RASEF: variants seen among roughly 807,000 people sequenced by gnomAD.
RASEF encodes the protein ras and EF-hand domain-containing protein.
A neutral mutation model predicts 90.1 loss-of-function variants in RASEF; 68 were observed. The ratio of observed to expected loss-of-function variants is 0.75; its 90% CI spans 0.62 to 0.92. The LOEUF is 0.92. RASEF is among the 40% of genes least tolerant of loss of function. The pLI, the probability that RASEF is intolerant of heterozygous loss-of-function variation, is 0.00. For synonymous variants in RASEF, 331 were observed against 345.2 expected (o/e 0.96, Z 0.46); for missense variants, 949 against 937.2 (o/e 1.01, Z -0.16).
chr9:83,117,406 T>TAG, the RASEF span, among the ~76,000 whole-genome samples: 2 of 152,170 alleles, frequency 1.3e-5, no homozygotes, highest in African/African-American at 4.8e-5. Context: ...TGACTCAAAT[T>TAG]AGATGAATGA....
chr9:83,093,193 G>T, the RASEF span, among the ~76,000 whole-genome samples: 1 of 152,310 alleles, frequency 6.6e-6, no homozygotes, highest in Non-Finnish European at 1.5e-5. Flanking sequence ...AGACATAAAG[G>T]TTCTCCACCT....
At chr9:83,028,391 G>T (rs1205934327) in intron 1 of RASEF, among the ~76,000 whole-genome samples, 1 of 152,184 alleles carries the variant, frequency 6.6e-6, no homozygotes, top group Non-Finnish European at 1.5e-5. Flanking sequence ...GAACCAAGAA[G>T]TCTGAGAGCA....
chr9:83,075,339 T>C, the RASEF span, among the ~76,000 whole-genome samples: 1 of 152,186 alleles, frequency 6.6e-6, no homozygotes. Context: ...AATTGCTCAG[T>C]TGTATGTGTG....
At chr9:83,056,306 G>C (rs1370436935) in intron 1 of RASEF, among the ~76,000 whole-genome samples, 5 of 152,200 alleles carry the variant, frequency 3.3e-5, no homozygotes, top group Non-Finnish European at 7.4e-5. Context: ...CTGGGAGACA[G>C]ACAAGTGTTT....
At chr9:83,185,333 T>TTTTCTTTC in the RASEF span, among the ~76,000 whole-genome samples, 1 of 148,442 alleles carries the variant, frequency 6.7e-6, no homozygotes, top group African/African-American at 2.5e-5. Flanking sequence ...TGTGCTTTCT[T>TTTTCTTTC]TTTCTTTCTT....
At chr9:83,218,868 C>T in the RASEF span, among the ~76,000 whole-genome samples, 1 of 152,138 alleles carries the variant, frequency 6.6e-6, no homozygotes, top group Non-Finnish European at 1.5e-5. Flanking sequence ...TGGACATTTA[C>T]AGAAGCCACA....
chr9:83,213,095 A>T, the RASEF span, among the ~76,000 whole-genome samples: 3,185 of 112,178 alleles, frequency 0.028, 95 homozygotes, highest in African/African-American at 0.082. Flanking sequence ...ACACGTTTTA[A>T]AAAAAAAAAA....
intron 7 of RASEF, among the ~76,000 whole-genome samples, chr9:83,006,187 C>A (rs1829127229): frequency 6.6e-6 from 1 of 152,204 alleles, no homozygotes. Flanking sequence ...CAGAACACTT[C>A]CTTGACCTTC....
chr9:83,058,519 C>T (rs532989857), intron 1 of RASEF, among the ~76,000 whole-genome samples: 1 of 152,218 alleles, frequency 6.6e-6, no homozygotes. Flanking sequence ...TCTCCTCTCC[C>T]TTTTCTATCT....
chr9:83,093,076 T>A, the RASEF span, among the ~76,000 whole-genome samples: 1 of 151,904 alleles, frequency 6.6e-6, no homozygotes, highest in South Asian at 2.1e-4. Flanking sequence ...AGAGTGTCGA[T>A]TGGTGCGCTC....
intron 1 of RASEF, chr9:83,048,862 C>T (rs1469310072): frequency 2.9e-6 from 2 of 697,328 alleles, no homozygotes; most frequent in Non-Finnish European, 3.5e-6. Flanking sequence ...TGTGCAGTGG[C>T]TCACGCCTGT....
chr9:83,000,716 G>T, intron 10 of RASEF, 146 bp from the exon 11 acceptor site: 1 of 912,510 alleles, frequency 1.1e-6, no homozygotes, highest in Non-Finnish European at 1.6e-6. Context: ...GGAATAGAGT[G>T]ACACTGAATG....
the RASEF span, among the ~76,000 whole-genome samples, chr9:83,189,646 A>T: frequency 6.6e-6 from 1 of 152,268 alleles, no homozygotes; most frequent in Admixed American, 6.5e-5. Context: ...TTCATGTTTT[A>T]TTGTTGGCCA....
intron 14 of RASEF, among the ~76,000 whole-genome samples, chr9:82,996,105 T>A (rs1285413190): frequency 1.3e-5 from 2 of 152,164 alleles, no homozygotes; most frequent in Admixed American, 6.5e-5. Context: ...TACTGCCAAT[T>A]GCAATCAGTC....
chr9:82,985,558 A>G (rs557583650), intron 16 of RASEF, among the ~76,000 whole-genome samples: 1 of 152,302 alleles, frequency 6.6e-6, no homozygotes, highest in East Asian at 1.9e-4. Context: ...TTTCAGTAAG[A>G]CACCAATGTG....
intron 1 of RASEF, among the ~76,000 whole-genome samples, chr9:83,037,151 G>T (rs138773033): frequency 8.5e-4 from 129 of 152,272 alleles, no homozygotes; most frequent in African/African-American, 3.0e-3. Flanking sequence ...CTTAGGTCAA[G>T]AGACTTGTTC....
At chr9:83,064,107 A>T (rs1176124792), upstream of RASEF, among the ~76,000 whole-genome samples, 1 of 152,210 alleles carries the variant, frequency 6.6e-6, no homozygotes, top group East Asian at 1.9e-4. Context: ...TGATTTTTTA[A>T]AAATGTGATC....
chr9:83,167,017 C>T, the RASEF span, among the ~76,000 whole-genome samples: 1 of 152,090 alleles, frequency 6.6e-6, no homozygotes, highest in Non-Finnish European at 1.5e-5. Flanking sequence ...CTAGGTTTGC[C>T]GTTTGCTAGC....
intron 1 of RASEF, among the ~76,000 whole-genome samples, chr9:83,059,256 A>G (rs539461657): frequency 6.9e-6 from 1 of 144,838 alleles, no homozygotes; most frequent in East Asian, 2.0e-4. Context: ...TCAGCCATCC[A>G]TCAAATGCTC....
Sources: gnomAD v4.1 joint callset for allele counts (sites outside exome capture counted in the v4.1 genomes callset) on GRCh38, gnomAD v4.1.1 for gene constraint, MANE v1.5 for transcripts, NCBI Gene and HGNC (gene_info 2026-07-23, HGNC 2026-07-21) for gene names.